UBE3D: variants seen among roughly 807,000 people sequenced by gnomAD.
The protein encoded by UBE3D is ubiquitin protein ligase E3D.
A neutral mutation model predicts 49.6 loss-of-function variants in UBE3D; 48 were observed. That is an observed-to-expected ratio of 0.97 (90% CI 0.77 to 1.23). The LOEUF is 1.23. Among genes scored for constraint, UBE3D ranks in the 50% most tolerant of loss-of-function variants. The probability of loss-of-function intolerance (pLI) is 0.00; values close to 1 mark genes in which losing one functional copy is unlikely to be tolerated. For synonymous variants in UBE3D, 189 were observed against 174.2 expected (o/e 1.08, Z -0.67); for missense variants, 452 against 468.4 (o/e 0.96, Z 0.32).
intron 9 of UBE3D, among the ~76,000 whole-genome samples, chr6:82,943,770 T>A (rs1775194405): frequency 6.6e-6 from 1 of 151,042 alleles, no homozygotes; most frequent in Non-Finnish European, 1.5e-5. Flanking sequence ...CCTCTCCCAT[T>A]CCCCCACAGC....
chr6:82,921,992 A>G (rs960416590), intron 9 of UBE3D, among the ~76,000 whole-genome samples: 4 of 152,242 alleles, frequency 2.6e-5, no homozygotes, highest in Non-Finnish European at 4.4e-5. Context: ...ACAACCAAAC[A>G]GTACATCCAG....
intron 8 of UBE3D, among the ~76,000 whole-genome samples, chr6:83,013,119 T>C (rs944103628): frequency 1.3e-5 from 2 of 152,178 alleles, no homozygotes; most frequent in Non-Finnish European, 2.9e-5. Flanking sequence ...ATCATGCATA[T>C]ACCACTTCCA....
At chr6:82,996,198 G>A (rs1779228617) in intron 8 of UBE3D, among the ~76,000 whole-genome samples, 2 of 152,114 alleles carry the variant, frequency 1.3e-5, no homozygotes, top group South Asian at 2.1e-4. Context: ...GGAGTATTTT[G>A]TGAGATCAGA....
intron 9 of UBE3D, among the ~76,000 whole-genome samples, chr6:82,912,063 G>T (rs887127254): frequency 3.3e-5 from 5 of 150,890 alleles, no homozygotes; most frequent in Non-Finnish European, 5.9e-5. Flanking sequence ...TAAGAAATTT[G>T]TTCTGAAGTT....
chr6:83,020,339 C>CAG (rs1780997596), intron 7 of UBE3D, among the ~76,000 whole-genome samples: 1 of 81,614 alleles, frequency 1.2e-5, no homozygotes, highest in Admixed American at 1.6e-4. Context: ...TCATGTGATA[C>CAG]TGTTTTTTTT....
chr6:82,938,622 T>C (rs1774770013), intron 9 of UBE3D: 1 of 152,192 alleles, frequency 6.6e-6, no homozygotes, highest in Non-Finnish European at 1.5e-5. Flanking sequence ...ATAATTAAGC[T>C]ATTTGGACCT....
intron 7 of UBE3D, among the ~76,000 whole-genome samples, chr6:83,022,131 A>T (rs1781142489): frequency 6.6e-6 from 1 of 151,948 alleles, no homozygotes; most frequent in Non-Finnish European, 1.5e-5. Flanking sequence ...AGTTCAAGCG[A>T]TTCTCCTGCC....
At chr6:82,901,424 G>A (rs1211558034) in intron 9 of UBE3D, among the ~76,000 whole-genome samples, 1 of 152,186 alleles carries the variant, frequency 6.6e-6, no homozygotes, top group East Asian at 1.9e-4. Flanking sequence ...CCTCATTTGA[G>A]AACGTGTTAA....
intron 8 of UBE3D, among the ~76,000 whole-genome samples, chr6:82,964,247 G>A (rs533343560): frequency 4.8e-4 from 73 of 152,288 alleles, no homozygotes; most frequent in African/African-American, 1.7e-3. Flanking sequence ...TGGTGAAATT[G>A]AGAATGAATC....
chr6:82,905,930 T>C lies in UBE3D; in HGVS notation c.1150-12888A>G, dbSNP rs139128283. Reference sequence around the variant, plus strand: ...AACAATGATTATGAGCTCACGGCCATTGGTTTCATCCAAATCCCTGCCACA... The same window carrying C: ...AACAATGATTATGAGCTCACGGCCACTGGTTTCATCCAAATCCCTGCCACA... On this transcript the variant is annotated intron_variant, in intron 9 of 9. Coordinates refer to ENST00000369747, the MANE Select transcript of UBE3D (RefSeq NM_198920.3). Among the ~76,000 whole-genome samples, 582 of 152,280 alleles carry C rather than the reference T, an allele frequency of 3.8e-3. 5 individuals are homozygous for C. The highest frequency in any genetic ancestry group is 0.013 in the African/African-American group (558 of 41,562).
chr6:83,030,681 G>A (rs6454314), intron 5 of UBE3D, among the ~76,000 whole-genome samples: 97,039 of 151,944 alleles, frequency 0.64, 31,837 homozygotes, highest in East Asian at 0.78. Flanking sequence ...ACAGGCAGAG[G>A]TTGGAACAGT....
At chr6:82,915,002 G>T (rs574135605) in intron 9 of UBE3D, among the ~76,000 whole-genome samples, 23 of 152,248 alleles carry the variant, frequency 1.5e-4, no homozygotes, top group African/African-American at 5.1e-4. Flanking sequence ...ACCCTGAGTG[G>T]ATTGCCCACC....
intron 9 of UBE3D, among the ~76,000 whole-genome samples, chr6:82,929,785 T>C (rs1025815258): frequency 2.0e-5 from 3 of 152,174 alleles, no homozygotes; most frequent in Non-Finnish European, 1.5e-5. Context: ...GGAAGGTGCA[T>C]AGAATTCCCA....
intron 5 of UBE3D, among the ~76,000 whole-genome samples, chr6:83,032,952 C>A (rs968929826): frequency 1.3e-5 from 2 of 152,142 alleles, no homozygotes; most frequent in African/African-American, 4.8e-5. Context: ...GTCTATTAAA[C>A]CTTTTTCTTT....
At chr6:83,026,195 C>T (rs1021956414) in intron 5 of UBE3D, among the ~76,000 whole-genome samples, 1 of 152,050 alleles carries the variant, frequency 6.6e-6, no homozygotes, top group African/African-American at 2.4e-5. Flanking sequence ...TACTTAATCC[C>T]AGCACTTTGG....
intron 3 of UBE3D, among the ~76,000 whole-genome samples, chr6:83,050,150 C>T (rs1783371573): frequency 1.3e-5 from 2 of 151,764 alleles, no homozygotes; most frequent in South Asian, 4.2e-4. Context: ...ATCATGTGTC[C>T]TGGTGCTAGT....
intron 6 of UBE3D, 21 bp downstream of exon 6, chr6:83,023,948 A>G: frequency 7.1e-7 from 1 of 1,414,178 alleles, no homozygotes; most frequent in South Asian, 1.4e-5. Flanking sequence ...CAAATAAATA[A>G]ATGTAATTTG....
At chr6:83,008,005 T>G (rs1413160539) in intron 8 of UBE3D, among the ~76,000 whole-genome samples, 1 of 152,200 alleles carries the variant, frequency 6.6e-6, no homozygotes, top group Non-Finnish European at 1.5e-5. Context: ...AAGATTTTCT[T>G]ATTTGCTGGC....
At chr6:82,924,797 A>G (rs1773622569) in intron 9 of UBE3D, 1 of 152,186 alleles carries the variant, frequency 6.6e-6, no homozygotes, top group Non-Finnish European at 1.5e-5. Flanking sequence ...TGGAAAATGC[A>G]TAGTATTTAT....
Sources: allele counts gnomAD v4.1 joint callset (sites outside exome capture counted in the v4.1 genomes callset), GRCh38; gene constraint gnomAD v4.1.1; transcripts MANE v1.5; gene names NCBI Gene and HGNC (gene_info 2026-07-23, HGNC 2026-07-21).